LGR4: variants seen among roughly 807,000 people sequenced by gnomAD.
The protein encoded by LGR4 is leucine-rich repeat-containing G protein-coupled receptor 4.
LGR4 carries 44 observed loss-of-function variants against 84.8 expected under a neutral mutation model. The observed-to-expected ratio is 0.52, with a 90% CI of 0.41 to 0.67. The LOEUF (loss-of-function observed/expected upper bound fraction) is 0.67, where lower values mean the gene tolerates loss of function less well. LGR4 is among the 30% of genes least tolerant of loss of function. The pLI is 0.00. For synonymous variants in LGR4, 429 were observed against 434.3 expected (o/e 0.99, Z 0.15); for missense variants, 1,032 against 1,131.4 (o/e 0.91, Z 1.26).
At chr11:27,427,750 T>C (rs775233788) in intron 1 of LGR4, among the ~76,000 whole-genome samples, 1 of 152,232 alleles carries the variant, frequency 6.6e-6, no homozygotes, top group African/African-American at 2.4e-5. Flanking sequence ...CTGATTGCTA[T>C]GACTATTCCA....
At chr11:27,424,108 C>T (rs1389185437) in intron 1 of LGR4, among the ~76,000 whole-genome samples, 1 of 152,076 alleles carries the variant, frequency 6.6e-6, no homozygotes, top group African/African-American at 2.4e-5. Flanking sequence ...AATTAGTAAG[C>T]AGAGAAACAA....
chr11:27,378,652 T>A (rs371945235), intron 11 of LGR4, 45 bp downstream of exon 11: 7 of 1,306,016 alleles, frequency 5.4e-6, no homozygotes, highest in African/African-American at 1.5e-5. Context: ...TGTGTGAATA[T>A]ATAAACAAAA....
At chr11:27,446,032 G>A (rs186018844) in intron 1 of LGR4, among the ~76,000 whole-genome samples, 2 of 152,322 alleles carry the variant, frequency 1.3e-5, no homozygotes, top group Admixed American at 1.3e-4. Context: ...ACATTTAAGA[G>A]TATGTTACAT....
chr11:27,468,675 C>A (rs925469169), intron 1 of LGR4, among the ~76,000 whole-genome samples: 1 of 149,104 alleles, frequency 6.7e-6, no homozygotes, highest in Non-Finnish European at 1.5e-5. Context: ...AGTTGCTTCA[C>A]TTTTCAGATG....
At chr11:27,471,632 C>A (rs1457009699) in intron 1 of LGR4, 1 of 152,384 alleles carries the variant, frequency 6.6e-6, no homozygotes, top group Non-Finnish European at 1.5e-5. Context: ...ATGCTGGAAC[C>A]CAGGAGGCTC....
chr11:27,410,395 C>T (rs1863687718), intron 2 of LGR4, among the ~76,000 whole-genome samples: 1 of 152,124 alleles, frequency 6.6e-6, no homozygotes, highest in African/African-American at 2.4e-5. Context: ...TTGCCAAACC[C>T]AGTCACATCT....
At chr11:27,434,706 A>G (rs186695681) in intron 1 of LGR4, among the ~76,000 whole-genome samples, 2 of 152,310 alleles carry the variant, frequency 1.3e-5, no homozygotes, top group African/African-American at 4.8e-5. Context: ...ACCTTAAATC[A>G]ATACAATGCC....
chr11:27,406,144 T>A (rs2133391229), intron 2 of LGR4, among the ~76,000 whole-genome samples: 1 of 152,276 alleles, frequency 6.6e-6, no homozygotes, highest in South Asian at 2.1e-4. Context: ...TCCTCTTGAA[T>A]AACTCCCCCT....
intron 1 of LGR4, among the ~76,000 whole-genome samples, chr11:27,467,920 C>A (rs191926246): frequency 6.8e-4 from 103 of 152,320 alleles, no homozygotes; most frequent in Admixed American, 6.3e-3. Flanking sequence ...ACAACACAAA[C>A]TAAGCCAACA....
intron 1 of LGR4, among the ~76,000 whole-genome samples, chr11:27,456,135 C>G (rs1289748058): frequency 2.0e-5 from 3 of 152,092 alleles, no homozygotes; most frequent in African/African-American, 7.2e-5. Context: ...TTAGAATCAC[C>G]AAGCAAATGA....
At chr11:27,451,820 C>G (rs1389830813) in intron 1 of LGR4, among the ~76,000 whole-genome samples, 2 of 152,124 alleles carry the variant, frequency 1.3e-5, no homozygotes, top group Non-Finnish European at 1.5e-5. Context: ...AAGACTGTAC[C>G]AAGCACTCAG....
chr11:27,455,651 C>T lies in LGR4; in HGVS notation c.185+16467G>A, dbSNP rs181265747. Among the ~76,000 whole-genome samples, 42 of 152,282 alleles carry T rather than the reference C, an allele frequency of 2.8e-4. No individual in the cohort carries two copies. The East Asian group carries it at 6.9e-3, about 25-fold the overall frequency. ...AGAACACTTCAAGCACAGAACAAAA[C>T]AAAACCTCTCCAGAATTAATTCCCC... On this transcript the variant is annotated intron_variant, in intron 1 of 17. Coordinates refer to ENST00000379214, the MANE Select transcript of LGR4 (RefSeq NM_018490.5).
Position 27,368,958 on chromosome 11 carries a change from T to G in LGR4, c.1765A>C (p.Ile589Leu). 2 of 1,614,068 alleles carry G rather than the reference T, an allele frequency of 1.2e-6. No homozygotes were observed. Among genetic ancestry groups the G allele is most frequent in the South Asian group, 1.1e-5 (1 of 91,072 alleles). The change falls in exon 18 of 18, where the codon ATC becomes CTC. Residue 589 changes from isoleucine (I) to leucine (L), a missense_variant. Coordinates refer to ENST00000379214, the MANE Select transcript of LGR4 (RefSeq NM_018490.5). ...LISVSNLFMG[I>L]YTGILTFLDA... ...AGAAAAGTTAGGATGCCAGTATAGA[T>G]TCCCATGAATAAGTTAGACACAGAA...
At chr11:27,419,414 C>T (rs1018552982) in intron 1 of LGR4, among the ~76,000 whole-genome samples, 1 of 151,534 alleles carries the variant, frequency 6.6e-6, no homozygotes, top group African/African-American at 2.4e-5. Context: ...CTGACAATAC[C>T]AAGTACTGAT....
intron 9 of LGR4, 149 bp downstream of exon 9, chr11:27,380,491 T>G: frequency 1.4e-6 from 1 of 733,534 alleles, no homozygotes; most frequent in Non-Finnish European, 2.2e-6. Context: ...TGGCAAAGTA[T>G]TCACAAAAAT....
At position 27,368,204 on chromosome 11, in the gene LGR4, T is replaced by C. The variant is rs1590338404; in HGVS notation, c.2519A>G (p.Asp840Gly). Residue 840 changes from aspartate (D) to glycine (G), a missense_variant, in exon 18 of 18, where the codon GAT (aspartate) becomes GGT (glycine). Asp to Gly is a moderately conservative substitution (Grantham distance 94). Coordinates refer to ENST00000379214, the MANE Select transcript of LGR4 (RefSeq NM_018490.5). The stretch of plus-strand genomic sequence containing the variant: ...GTACATGCCACAGTCGTAGTAGAAA[T>C]CCTGTTCCAGACAACCACCTTGGCT... ...ISSQGGCLEQ[D>G]FYYDCGMYSH... 1 of 1,614,108 alleles carries C rather than the reference T, an allele frequency of 6.2e-7. No homozygotes were observed. Among genetic ancestry groups the C allele is most frequent in the African/African-American group, 1.3e-5 (1 of 74,946 alleles).
chr11:27,452,765 A>T (rs1438663012), intron 1 of LGR4, among the ~76,000 whole-genome samples: 1 of 149,982 alleles, frequency 6.7e-6, no homozygotes, highest in Non-Finnish European at 1.5e-5. Flanking sequence ...CTGGGACTAC[A>T]GGTGCCCGCC....
intron 1 of LGR4, among the ~76,000 whole-genome samples, chr11:27,428,013 C>G (rs1430849647): frequency 6.6e-6 from 1 of 152,184 alleles, no homozygotes; most frequent in Non-Finnish European, 1.5e-5. Context: ...TTCAGTAATT[C>G]CTGTCCTGGA....
intron 2 of LGR4, among the ~76,000 whole-genome samples, chr11:27,395,436 GTGTT>G (rs1224664188): frequency 2.0e-5 from 3 of 152,126 alleles, no homozygotes; most frequent in African/African-American, 7.2e-5. Flanking sequence ...ACAGAAAAGA[GTGTT>G]TGACCACATT....
Sources: gnomAD v4.1 joint callset for allele counts (sites outside exome capture counted in the v4.1 genomes callset) on GRCh38, gnomAD v4.1.1 for gene constraint, MANE v1.5 for transcripts, NCBI Gene and HGNC (gene_info 2026-07-23, HGNC 2026-07-21) for gene names.